The following OAS1 variants were observed in gnomAD, a reference collection of about 807,000 sequenced individuals.
OAS1 encodes the protein 2'-5'-oligoadenylate synthase 1.
OAS1 carries 24 observed loss-of-function variants against 38.5 expected under a neutral mutation model. That is an observed-to-expected ratio of 0.62 (90% CI 0.45 to 0.88). OAS1 has a LOEUF of 0.88. Among genes scored for constraint, OAS1 ranks in the 40% least tolerant of loss-of-function variants. The pLI is 0.00. For missense variants in OAS1, 482 were observed against 493.9 expected, an observed-to-expected ratio of 0.98 and a Z score of 0.23; for synonymous variants, 169 against 193.9, an observed-to-expected ratio of 0.87 and a Z score of 1.07.
chr12:112,921,789 T>A (rs980132800), downstream of OAS1, among the ~76,000 whole-genome samples: 1 of 152,178 alleles, frequency 6.6e-6, no homozygotes, highest in Non-Finnish European at 1.5e-5. Flanking sequence ...GGCTCTGAGA[T>A]GTAATAGTGG....
At chr12:112,917,975 G>T (rs903166675) in intron 5 of OAS1, 2 of 1,367,756 alleles carry the variant, frequency 1.5e-6, no homozygotes, top group African/African-American at 1.5e-5. Context: ...TCGGGCTCAG[G>T]TTCTGTCCTA....
chr12:112,929,952 C>A (rs2043587268), intron 6 of OAS1, among the ~76,000 whole-genome samples: 1 of 152,156 alleles, frequency 6.6e-6, no homozygotes, highest in Non-Finnish European at 1.5e-5. Flanking sequence ...ATGTATGTCT[C>A]CACCCAAATC....
At chr12:112,911,977 G>A (rs2043388924) in intron 3 of OAS1, among the ~76,000 whole-genome samples, 1 of 152,180 alleles carries the variant, frequency 6.6e-6, no homozygotes, top group Admixed American at 6.5e-5. Flanking sequence ...TACACCAAGA[G>A]AAACTTGGGT....
chr12:112,917,859 T>G (rs2043485459), intron 5 of OAS1, 159 bp downstream of exon 5: 4 of 1,534,404 alleles, frequency 2.6e-6, no homozygotes, highest in Non-Finnish European at 3.5e-6. Context: ...TACAGTCATT[T>G]TGGTCACAAT....
chr12:112,912,041 G>C (rs974654668), intron 3 of OAS1, among the ~76,000 whole-genome samples: 5 of 152,222 alleles, frequency 3.3e-5, no homozygotes, highest in Non-Finnish European at 5.9e-5. Flanking sequence ...AGTAGCAGAA[G>C]TAAAATTTGA....
intron 6 of OAS1, among the ~76,000 whole-genome samples, chr12:112,927,935 T>G (rs1444927495): frequency 6.6e-6 from 1 of 152,162 alleles, no homozygotes; most frequent in Non-Finnish European, 1.5e-5. Context: ...TCCTATGACT[T>G]GAAGACCAAA....
chr12:112,925,946 A>G (rs1253657357), intron 6 of OAS1, among the ~76,000 whole-genome samples: 1 of 152,188 alleles, frequency 6.6e-6, no homozygotes, highest in African/African-American at 2.4e-5. Context: ...ATGATTATTC[A>G]AAAATATTTA....
At chr12:112,916,963 G>A in intron 4 of OAS1, 1 of 528,786 alleles carries the variant, frequency 1.9e-6, no homozygotes, top group African/African-American at 1.9e-5. Flanking sequence ...GTAAACTGAG[G>A]TTCTGAGAGG....
chr12:112,918,553 GA>G, intron 5 of OAS1: 1 of 409,434 alleles, frequency 2.4e-6, no homozygotes, highest in Non-Finnish European at 5.0e-6. Flanking sequence ...TTAGTTATTT[GA>G]AAAGTCCCAT....
At chr12:112,918,415 A>G in intron 5 of OAS1, 2 of 291,544 alleles carry the variant, frequency 6.9e-6, no homozygotes, top group South Asian at 6.4e-5. Context: ...AGTTGATTCC[A>G]TGACTTTGCT....
intron 4 of OAS1, 142 bp from the exon 5 acceptor site, chr12:112,917,405 G>A (rs2043476178): frequency 4.7e-6 from 5 of 1,065,838 alleles, no homozygotes; most frequent in Non-Finnish European, 5.5e-6. Flanking sequence ...ATAGGGCACT[G>A]GGGACATACC....
At chr12:112,915,168 G>T (rs1007934872) in intron 3 of OAS1, among the ~76,000 whole-genome samples, 3 of 152,038 alleles carry the variant, frequency 2.0e-5, no homozygotes, top group African/African-American at 7.2e-5. Flanking sequence ...TTTGCTTTTG[G>T]GTTCTTGGTC....
At chr12:112,913,167 A>C (rs2043410059) in intron 3 of OAS1, among the ~76,000 whole-genome samples, 1 of 152,212 alleles carries the variant, frequency 6.6e-6, no homozygotes, top group Non-Finnish European at 1.5e-5. Flanking sequence ...TCATTTCAGT[A>C]TATTGAATAT....
rs775098125 is a variant in OAS1, at chr12:112,908,635, C to G, written c.280C>G (p.Arg94Gly). ...CACCACTTTTCAGGATCAGTTAAATCGCCGGGGAGAGTTCATCCAGGAAAT... is the reference window on the plus strand; with the variant it reads ...CACCACTTTTCAGGATCAGTTAAATGGCCGGGGAGAGTTCATCCAGGAAAT... ...PLTTFQDQLN[R>G]RGEFIQEIRR... The change falls in exon 2 of 6, where the codon CGC becomes GGC. Residue 94 changes from arginine to glycine, a missense_variant. Coordinates refer to ENST00000202917, the MANE Select transcript of OAS1 (RefSeq NM_016816.4). 1 of 1,614,046 alleles carries G rather than the reference C, an allele frequency of 6.2e-7. No homozygotes were observed. The highest frequency in any genetic ancestry group is 1.3e-5 in the African/African-American group (1 of 74,916).
At position 112,907,100 on chromosome 12, in the gene OAS1, T is replaced by C; in HGVS notation, c.61T>C (p.Leu21=). 6.2e-7 allele frequency: 1 copy of C among 1,613,470 alleles called. No individual in the cohort carries two copies. Among genetic ancestry groups the C allele is most frequent in the Non-Finnish European group, 8.5e-7 (1 of 1,179,394 alleles). ...GGACAAGTTCATTGAAGACTATCTC[T>C]TGCCAGACACGTGTTTCCGCATGCA... ...SLDKFIEDYL[L]PDTCFRMQIN... Residue 21 remains leucine, a synonymous_variant, in exon 1 of 6, where the codon TTG becomes CTG. Transcript: ENST00000202917.
At chr12:112,931,773 G>C in intron 6 of OAS1, 1 of 556,206 alleles carries the variant, frequency 1.8e-6, no homozygotes. Context: ...AGGGTCTCCT[G>C]ACTGCCAGAG....
chr12:112,909,424 T>C (rs1252731055), intron 2 of OAS1, among the ~76,000 whole-genome samples: 2 of 152,202 alleles, frequency 1.3e-5, no homozygotes, highest in Admixed American at 1.3e-4. Context: ...TTTTGGAGGC[T>C]GAGGCAGGAG....
At position 112,917,565 on chromosome 12, in the gene OAS1, G is replaced by A. The variant is rs77298087; in HGVS notation, c.903G>A (p.Pro301=). Residue 301 remains proline (P), a synonymous_variant, in exon 5 of 6, where the codon CCG becomes CCA. Transcript: ENST00000202917. ...LTKPRPVILD[P]ADPTGNLGGG... is the part of the protein sequence containing the mutation. ...TCTGCAGGCCTGTGATCCTGGACCC[G>A]GCGGACCCTACAGGAAACTTGGGTG... is the stretch of plus-strand genomic sequence containing the variant. The A allele has an allele frequency of 5.1e-4, 818 of 1,614,136 alleles. 4 individuals carry two copies. In the African/African-American group the frequency reaches 8.1e-3, roughly 16 times the overall value.
chr12:112,929,280 AG>A (rs1041741612), intron 6 of OAS1, among the ~76,000 whole-genome samples: 1 of 152,158 alleles, frequency 6.6e-6, no homozygotes, highest in African/African-American at 2.4e-5. Context: ...AAGCTTTCCA[AG>A]GGGTCCTTGG....
Sources: gnomAD v4.1 joint callset for allele counts (sites outside exome capture counted in the v4.1 genomes callset) on GRCh38, gnomAD v4.1.1 for gene constraint, MANE v1.5 for transcripts, NCBI Gene and HGNC (gene_info 2026-07-23, HGNC 2026-07-21) for gene names.